The following GLT1D1 variants were observed in gnomAD, a reference collection of about 807,000 sequenced individuals.
GLT1D1 encodes the protein glycosyltransferase 1 domain-containing protein 1.
A neutral mutation model predicts 28.7 loss-of-function variants in GLT1D1; 21 were observed. That is an observed-to-expected ratio of 0.73 (90% confidence interval 0.52 to 1.05). GLT1D1 has a LOEUF of 1.05. Ranked by LOEUF, GLT1D1 falls within the 50% of genes least tolerant of loss-of-function variation. The probability of loss-of-function intolerance (pLI) is 0.00; values close to 1 mark genes in which losing one functional copy is unlikely to be tolerated. For synonymous variants in GLT1D1, 147 were observed against 124.8 expected (o/e 1.18, Z -1.19); for missense variants, 343 against 330.6 (o/e 1.04, Z -0.29).
chr12:128,964,805 A>G (rs148570089), intron 7 of GLT1D1, among the ~76,000 whole-genome samples: 261 of 152,258 alleles, frequency 1.7e-3, no homozygotes, highest in African/African-American at 6.1e-3. Context: ...AGGTTTAAGG[A>G]AGGAAGGGAC....
intron 4 of GLT1D1, among the ~76,000 whole-genome samples, chr12:128,919,671 T>G (rs1190171349): frequency 2.0e-5 from 3 of 152,354 alleles, no homozygotes; most frequent in African/African-American, 7.2e-5. Flanking sequence ...CACACGATAT[T>G]GACAATAGCT....
At chr12:128,974,705 G>A (rs1015630623) in intron 7 of GLT1D1, among the ~76,000 whole-genome samples, 1 of 152,158 alleles carries the variant, frequency 6.6e-6, no homozygotes, top group Admixed American at 6.5e-5. Flanking sequence ...GTTGTTGATG[G>A]GCATGGCCTT....
intron 4 of GLT1D1, among the ~76,000 whole-genome samples, chr12:128,943,199 A>G (rs1484545352): frequency 6.6e-6 from 1 of 152,220 alleles, no homozygotes; most frequent in African/African-American, 2.4e-5. Context: ...TGGTTAACCT[A>G]TTGTGTAAAG....
intron 1 of GLT1D1, among the ~76,000 whole-genome samples, chr12:128,861,808 C>T (rs1356073771): frequency 6.6e-6 from 1 of 152,126 alleles, no homozygotes; most frequent in East Asian, 1.9e-4. Context: ...CCCTTCCAGG[C>T]CCGGCTACTT....
chr12:128,857,205 A>C (rs1240602641), intron 1 of GLT1D1, among the ~76,000 whole-genome samples: 1 of 152,170 alleles, frequency 6.6e-6, no homozygotes, highest in Non-Finnish European at 1.5e-5. Flanking sequence ...TGCCGTCCTG[A>C]GATTCACTCC....
chr12:128,951,047 T>C (rs1333698687), intron 6 of GLT1D1, among the ~76,000 whole-genome samples: 1 of 152,236 alleles, frequency 6.6e-6, no homozygotes, highest in Non-Finnish European at 1.5e-5. Flanking sequence ...AAAACAAGTA[T>C]GAAGTAATGC....
At chr12:128,920,418 G>A (rs1004379217) in intron 4 of GLT1D1, among the ~76,000 whole-genome samples, 6 of 152,252 alleles carry the variant, frequency 3.9e-5, no homozygotes, top group African/African-American at 1.4e-4. Context: ...GCCAGGTGTG[G>A]TAGTGCATGT....
At chr12:128,856,022 G>A (rs747360112) in intron 1 of GLT1D1, among the ~76,000 whole-genome samples, 17 of 152,090 alleles carry the variant, frequency 1.1e-4, no homozygotes, top group Non-Finnish European at 2.2e-4. Context: ...AAAGTGCTAG[G>A]ATTACAGGCA....
intron 1 of GLT1D1, among the ~76,000 whole-genome samples, chr12:128,856,859 C>T (rs1446891513): frequency 3.3e-5 from 5 of 151,660 alleles, no homozygotes; most frequent in African/African-American, 9.7e-5. Flanking sequence ...CCCAGCTTCT[C>T]GGGAGGCAGA....
At chr12:128,857,604 T>C (rs1956253182) in intron 1 of GLT1D1, among the ~76,000 whole-genome samples, 1 of 152,176 alleles carries the variant, frequency 6.6e-6, no homozygotes, top group African/African-American at 2.4e-5. Context: ...CCCTGTGATC[T>C]AATCAGCAAT....
At position 128,909,345 on chromosome 12, in the gene GLT1D1, G is replaced by A. The variant is rs1412220683; in HGVS notation, c.375+10058G>A. On this transcript the variant is annotated intron_variant, in intron 4 of 7. Transcript: ENST00000281703. ...TATTACTTTCTTTTTTTTTATGCAC[G>A]ATAACAGATTTCTAAGGGAAAAGAG... Among the ~76,000 whole-genome samples, 7 of 151,016 alleles carry A rather than the reference G, an allele frequency of 4.6e-5. No individual in the cohort carries two copies. In the East Asian group the frequency reaches 1.2e-3, roughly 25 times the overall value.
intron 2 of GLT1D1, among the ~76,000 whole-genome samples, chr12:128,876,486 G>T (rs1399128531): frequency 6.9e-6 from 1 of 145,374 alleles, no homozygotes. Flanking sequence ...TTAAATTTTT[G>T]TTTTTTTTTT....
At chr12:128,980,254 G>A (rs1287267142) in intron 7 of GLT1D1, among the ~76,000 whole-genome samples, 5 of 152,304 alleles carry the variant, frequency 3.3e-5, no homozygotes, top group East Asian at 3.9e-4. Context: ...GTGTGTCTGC[G>A]ACCCCACAAC....
chr12:128,932,147 T>C lies in GLT1D1; in HGVS notation c.376-13179T>C, dbSNP rs146689170. Among the ~76,000 whole-genome samples, 163 of 152,292 alleles carry C rather than the reference T, an allele frequency of 1.1e-3. 1 individual carries two copies. The highest frequency in any genetic ancestry group is 3.7e-3 in the African/African-American group (153 of 41,564). ...AGGTGCTGCCGGCTCCTGGCCGCGA[T>C]GGAAAGCCCCGTCTGGGGAAGCTTT... On this transcript the variant is annotated intron_variant, in intron 4 of 7. Transcript: ENST00000281703.
intron 2 of GLT1D1, among the ~76,000 whole-genome samples, chr12:128,882,178 A>C (rs1291342712): frequency 6.6e-6 from 1 of 152,160 alleles, no homozygotes; most frequent in Non-Finnish European, 1.5e-5. Context: ...CTGAGAAAAT[A>C]ATTATATAAA....
At chr12:128,945,412 C>T (rs1265220803) in intron 5 of GLT1D1, 43 bp downstream of exon 9, 1 of 1,510,948 alleles carries the variant, frequency 6.6e-7, no homozygotes, top group Admixed American at 1.7e-5. Flanking sequence ...AACGGGAAGC[C>T]TGAGTGGCCC....
At chr12:128,895,890 C>G (rs935517314) in intron 3 of GLT1D1, among the ~76,000 whole-genome samples, 5 of 152,046 alleles carry the variant, frequency 3.3e-5, no homozygotes, top group Non-Finnish European at 7.3e-5. Flanking sequence ...ATTAGTGAGA[C>G]TGAGATTGAG....
At chr12:128,973,162 T>C (rs188003771) in intron 7 of GLT1D1, among the ~76,000 whole-genome samples, 2 of 150,776 alleles carry the variant, frequency 1.3e-5, no homozygotes, top group Non-Finnish European at 3.0e-5. Context: ...GTCTTTTCTG[T>C]TTTGTTTGTT....
At chr12:128,952,640 A>ATT (rs1263729629) in intron 6 of GLT1D1, among the ~76,000 whole-genome samples, 13 of 126,164 alleles carry the variant, frequency 1.0e-4, no homozygotes, top group African/African-American at 3.5e-4. Flanking sequence ...CTAATTTTGT[A>ATT]TTTTTTTTTT....
Sources: allele counts gnomAD v4.1 joint callset (sites outside exome capture counted in the v4.1 genomes callset), GRCh38; gene constraint gnomAD v4.1.1; transcripts MANE v1.5; gene names NCBI Gene and HGNC (gene_info 2026-07-23, HGNC 2026-07-21).